TENM3: variants seen among roughly 807,000 people sequenced by gnomAD.
TENM3 encodes the protein teneurin transmembrane protein 3.
TENM3 carries 63 observed loss-of-function variants against 255.1 expected under a neutral mutation model. The observed-to-expected ratio is 0.25, with a 90% confidence interval of 0.20 to 0.30. The LOEUF (loss-of-function observed/expected upper bound fraction) is 0.30, where lower values mean the gene tolerates loss of function less well. TENM3 is among the 10% of genes least tolerant of loss of function. The probability of loss-of-function intolerance (pLI) is 1.00; values close to 1 mark genes in which losing one functional copy is unlikely to be tolerated. For missense variants in TENM3, 2,929 were observed against 3,461.1 expected (o/e 0.85, Z 3.86); for synonymous variants, 1,306 against 1,322.3 (o/e 0.99, Z 0.27).
the TENM3 span, among the ~76,000 whole-genome samples, chr4:181,802,906 A>G: frequency 6.6e-6 from 1 of 152,236 alleles, no homozygotes; most frequent in Admixed American, 6.5e-5. Flanking sequence ...CTGATATTTT[A>G]CTCCATTTGG....
At chr4:182,439,332 G>A (rs1246488216) in intron 3 of TENM3, among the ~76,000 whole-genome samples, 15 of 152,042 alleles carry the variant, frequency 9.9e-5, no homozygotes, top group Non-Finnish European at 4.4e-5. Context: ...TTTCCCTTAA[G>A]CTGCTGAAGT....
the TENM3 span, among the ~76,000 whole-genome samples, chr4:182,068,427 A>G: frequency 6.6e-6 from 1 of 152,154 alleles, no homozygotes; most frequent in Admixed American, 6.6e-5. Context: ...AGTATGAATC[A>G]CATTAAAAAA....
At chr4:182,433,138 A>G (rs13116283) in intron 3 of TENM3, among the ~76,000 whole-genome samples, 72,970 of 151,688 alleles carry the variant, frequency 0.48, 17,965 homozygotes, top group South Asian at 0.6. Flanking sequence ...GTGGTGATGG[A>G]AAATATTTTG....
At chr4:182,225,430 G>A (rs1363099386) in intron 1 of TENM3, among the ~76,000 whole-genome samples, 4 of 152,116 alleles carry the variant, frequency 2.6e-5, no homozygotes, top group Admixed American at 6.5e-5. Context: ...AAGTGGCCCC[G>A]ATGTTTGCAC....
the TENM3 span, among the ~76,000 whole-genome samples, chr4:181,482,234 T>G: frequency 6.6e-6 from 1 of 152,128 alleles, no homozygotes; most frequent in Non-Finnish European, 1.5e-5. Context: ...GATGTGTACT[T>G]GAAAAAGAAA....
chr4:181,593,283 G>A, the TENM3 span, among the ~76,000 whole-genome samples: 3 of 152,150 alleles, frequency 2.0e-5, no homozygotes, highest in Non-Finnish European at 2.9e-5. Flanking sequence ...AAGAATGAAC[G>A]TGCCTGGACG....
At chr4:181,950,932 C>T in the TENM3 span, among the ~76,000 whole-genome samples, 1 of 151,976 alleles carries the variant, frequency 6.6e-6, no homozygotes, top group Non-Finnish European at 1.5e-5. Flanking sequence ...GTCCCAGCTA[C>T]TCGGGAGGCT....
the TENM3 span, among the ~76,000 whole-genome samples, chr4:181,623,780 G>A: frequency 5.3e-5 from 8 of 152,298 alleles, no homozygotes; most frequent in East Asian, 1.5e-3. Context: ...GCAGTGTTTT[G>A]ATGGCTCTGA....
the TENM3 span, among the ~76,000 whole-genome samples, chr4:181,528,183 G>A: frequency 6.6e-6 from 1 of 151,834 alleles, no homozygotes; most frequent in Non-Finnish European, 1.5e-5. Flanking sequence ...ATACATATTT[G>A]TATATTGGAC....
At chr4:182,165,487 G>A (rs1438354537) in intron 1 of TENM3, among the ~76,000 whole-genome samples, 1 of 152,090 alleles carries the variant, frequency 6.6e-6, no homozygotes, top group East Asian at 1.9e-4. Flanking sequence ...ACGTTCCGTC[G>A]TGTTCCTGAG....
chr4:181,655,720 G>A, the TENM3 span, among the ~76,000 whole-genome samples: 3 of 152,068 alleles, frequency 2.0e-5, no homozygotes, highest in Admixed American at 2.0e-4. Context: ...TCAGGTAAAG[G>A]GAGAAGAACA....
At chr4:181,911,042 A>C in the TENM3 span, among the ~76,000 whole-genome samples, 1 of 152,134 alleles carries the variant, frequency 6.6e-6, no homozygotes, top group Non-Finnish European at 1.5e-5. Flanking sequence ...AAGGTATGTA[A>C]ATTTATTTGT....
At chr4:182,182,792 G>A (rs1752924857) in intron 1 of TENM3, among the ~76,000 whole-genome samples, 1 of 152,186 alleles carries the variant, frequency 6.6e-6, no homozygotes, top group Non-Finnish European at 1.5e-5. Context: ...GAGTACACGT[G>A]TAAAAAGTAC....
the TENM3 span, among the ~76,000 whole-genome samples, chr4:181,977,348 T>C: frequency 1.3e-5 from 2 of 152,212 alleles, no homozygotes; most frequent in African/African-American, 4.8e-5. Context: ...ATTAAGTAAG[T>C]TAAAAGTCTC....
chr4:181,605,568 A>AAG, the TENM3 span, among the ~76,000 whole-genome samples: 303 of 42,166 alleles, frequency 7.2e-3, 44 homozygotes, highest in East Asian at 0.025. Context: ...GAAAGAAAGA[A>AAG]AGAGAGAGAA....
chr4:182,463,991 C>T (rs1019217719), intron 3 of TENM3, among the ~76,000 whole-genome samples: 2 of 152,002 alleles, frequency 1.3e-5, no homozygotes, highest in African/African-American at 4.8e-5. Flanking sequence ...TTAAATGTAA[C>T]AGAGGCTCTT....
the TENM3 span, among the ~76,000 whole-genome samples, chr4:181,803,949 AAAAAG>A: frequency 0.25 from 23,205 of 93,284 alleles, 1,620 homozygotes; most frequent in East Asian, 0.37. Flanking sequence ...CAAAAAAAAA[AAAAAG>A]AAAGAAAGAA....
At chr4:182,788,968 A>G in intron 24 of TENM3, 125 bp from the exon 25 acceptor site, 1 of 828,074 alleles carries the variant, frequency 1.2e-6, no homozygotes, top group Non-Finnish European at 1.8e-6. Context: ...CTTGTACCCA[A>G]GAAGTTGCTA....
the TENM3 span, among the ~76,000 whole-genome samples, chr4:181,932,266 C>T: frequency 6.6e-6 from 1 of 152,082 alleles, no homozygotes; most frequent in Non-Finnish European, 1.5e-5. Context: ...TGCTATCTAT[C>T]CATCTGACAA....
Sources: allele counts gnomAD v4.1 joint callset (sites outside exome capture counted in the v4.1 genomes callset), GRCh38; gene constraint gnomAD v4.1.1; transcripts MANE v1.5; gene names NCBI Gene and HGNC (gene_info 2026-07-23, HGNC 2026-07-21).